Variants in RABGAP1L observed in about 807,000 individuals in gnomAD.
RABGAP1L encodes the protein rab GTPase-activating protein 1-like.
A neutral mutation model predicts 137.7 loss-of-function variants in RABGAP1L; 63 were observed. The ratio of observed to expected loss-of-function variants is 0.46; its 90% confidence interval spans 0.37 to 0.56. RABGAP1L has a LOEUF of 0.56. Among genes scored for constraint, RABGAP1L ranks in the 20% least tolerant of loss-of-function variants. RABGAP1L has a pLI of 0.00. For synonymous variants in RABGAP1L, 431 were observed against 433.7 expected, an observed-to-expected ratio of 0.99 and a Z score of 0.08; for missense variants, 1,095 against 1,244.0, an observed-to-expected ratio of 0.88 and a Z score of 1.80.
intron 13 of RABGAP1L, among the ~76,000 whole-genome samples, chr1:174,625,267 G>C (rs936198161): frequency 1.3e-5 from 2 of 152,156 alleles, no homozygotes; most frequent in African/African-American, 4.8e-5. Flanking sequence ...GCTCCGTAGA[G>C]TCAGAGACTT....
At chr1:174,480,718 A>G (rs1187399175) in intron 13 of RABGAP1L, among the ~76,000 whole-genome samples, 2 of 152,240 alleles carry the variant, frequency 1.3e-5, no homozygotes, top group Non-Finnish European at 2.9e-5. Context: ...CTATCACACA[A>G]AATGCTTTAT....
rs747671420 is a variant in RABGAP1L at position 174,664,730 on chromosome 1, C to CTTTTTTTT, written c.1825-18789_1825-18788insTTTTTTTT. 4.9e-3 allele frequency among the ~76,000 whole-genome samples: 481 copies of CTTTTTTTT among 98,812 alleles called. 67 individuals carry two copies. Among genetic ancestry groups the CTTTTTTTT allele is most frequent in the African/African-American group, 0.024 (370 of 15,622 alleles). The allele number at this position is 98,812 out of a possible 152,430, so 64.8% of individuals were successfully genotyped here. A position where few individuals can be genotyped will look rare whatever the true frequency, so the allele number is the denominator to read the frequency against. ...CTCTCTCTTTCTTTCTTTCTTTCTGCTTTCTTTTTTTTTTTTTTTTTTTTT... is the reference window on the plus strand; with the variant it reads ...CTCTCTCTTTCTTTCTTTCTTTCTGCTTTTTTTTTTTCTTTTTTTTTTTTTTTTTTTTT... On this transcript the variant is annotated intron_variant, in intron 14 of 25. Transcript: ENST00000681986.
chr1:174,485,151 T>G (rs1015927936), intron 13 of RABGAP1L, among the ~76,000 whole-genome samples: 1 of 152,206 alleles, frequency 6.6e-6, no homozygotes, highest in African/African-American at 2.4e-5. Flanking sequence ...CTTTTTCAGA[T>G]TGTTTACTGT....
At chr1:174,305,487 C>G (rs1359996746) in intron 11 of RABGAP1L, among the ~76,000 whole-genome samples, 1 of 152,100 alleles carries the variant, frequency 6.6e-6, no homozygotes, top group Non-Finnish European at 1.5e-5. Flanking sequence ...CGGGTTCAAA[C>G]AATTCTCCTG....
At position 174,865,512 on chromosome 1, in the gene RABGAP1L, T is replaced by G. The variant is rs143333403; in HGVS notation, c.2340+53552T>G. Among the ~76,000 whole-genome samples, 29 of 152,360 alleles carry G rather than the reference T, an allele frequency of 1.9e-4. No homozygotes were observed. The East Asian group carries it at 5.0e-3, about 26-fold the overall frequency. ...GGGCAAATTTATAGCATATTTTCTT[T>G]CACAGGCAAGAACTCCTAAGATATC... On this transcript the variant is annotated intron_variant, in intron 19 of 25. Coordinates refer to ENST00000681986, the MANE Select transcript of RABGAP1L (RefSeq NM_001366446.1).
intron 19 of RABGAP1L, among the ~76,000 whole-genome samples, chr1:174,851,583 C>T (rs1648354625): frequency 1.3e-5 from 2 of 151,954 alleles, no homozygotes; most frequent in African/African-American, 2.4e-5. Context: ...GTACAATCAC[C>T]ACTTACTGCA....
intron 13 of RABGAP1L, among the ~76,000 whole-genome samples, chr1:174,487,871 C>T (rs1487822825): frequency 6.6e-6 from 1 of 152,142 alleles, no homozygotes. Context: ...CAACTTCACA[C>T]TGTTTGTATA....
At chr1:174,314,227 T>G (rs1267764811) in intron 11 of RABGAP1L, among the ~76,000 whole-genome samples, 33 of 152,222 alleles carry the variant, frequency 2.2e-4, no homozygotes, top group Non-Finnish European at 2.9e-5. Context: ...TTCTTCATGG[T>G]TCAATCTTGG....
intron 24 of RABGAP1L, among the ~76,000 whole-genome samples, chr1:174,985,599 G>C (rs572428381): frequency 2.2e-4 from 33 of 152,184 alleles, no homozygotes; most frequent in African/African-American, 7.5e-4. Context: ...ATGATAAATA[G>C]CTTTTGGTTT....
intron 17 of RABGAP1L, among the ~76,000 whole-genome samples, chr1:174,703,545 G>A (rs1347672061): frequency 3.3e-5 from 5 of 152,160 alleles, no homozygotes; most frequent in East Asian, 1.9e-4. Flanking sequence ...GCTGCGATAA[G>A]CATATAAGTG....
intron 15 of RABGAP1L, among the ~76,000 whole-genome samples, chr1:174,686,934 C>T (rs922933926): frequency 1.3e-5 from 2 of 151,962 alleles, no homozygotes; most frequent in Non-Finnish European, 2.9e-5. Flanking sequence ...GCTGGGATTA[C>T]AGGCGTGAGC....
At chr1:174,729,813 TA>T in intron 17 of RABGAP1L, among the ~76,000 whole-genome samples, 1 of 151,912 alleles carries the variant, frequency 6.6e-6, no homozygotes, top group Non-Finnish European at 1.5e-5. Flanking sequence ...AAAGTAAAAA[TA>T]AATAACAGAT....
In RABGAP1L at chr1:174,500,073, GCTT is replaced by G. The variant is rs1273175579; in HGVS notation, c.1710+105935_1710+105937del. On this transcript the variant is annotated intron_variant, in intron 13 of 25. Coordinates refer to ENST00000681986, the MANE Select transcript of RABGAP1L (RefSeq NM_001366446.1). ...ACCCAGTATAAATTACTTGTGGCAGGCTTCTTCTTTTTTTTTTTTTTTTGAGAT... is the reference window on the plus strand; with the variant it reads ...ACCCAGTATAAATTACTTGTGGCAGGCTTCTTTTTTTTTTTTTTTTGAGAT... Among the ~76,000 whole-genome samples the G allele has an allele frequency of 4.7e-4, 70 of 150,528 alleles. 1 individual carries two copies. The highest frequency in any genetic ancestry group is 2.5e-3 in the East Asian group (13 of 5,162).
At chr1:174,558,859 A>G (rs952815546) in intron 13 of RABGAP1L, among the ~76,000 whole-genome samples, 1 of 152,194 alleles carries the variant, frequency 6.6e-6, no homozygotes, top group African/African-American at 2.4e-5. Flanking sequence ...CTCAGTCATT[A>G]TGAATCTTGC....
intron 13 of RABGAP1L, among the ~76,000 whole-genome samples, chr1:174,440,961 C>G (rs1208730711): frequency 6.6e-6 from 1 of 152,040 alleles, no homozygotes; most frequent in East Asian, 1.9e-4. Flanking sequence ...ATGGTCCTTT[C>G]TGGCTTTGCT....
intron 1 of RABGAP1L, among the ~76,000 whole-genome samples, chr1:174,218,408 G>T (rs1344575521): frequency 1.3e-5 from 2 of 152,140 alleles, no homozygotes; most frequent in Non-Finnish European, 2.9e-5. Context: ...AAACTTAGTT[G>T]TGTGAGTACA....
In RABGAP1L at chr1:174,271,889, T is replaced by A. The variant is rs569028201; in HGVS notation, c.987-525T>A. Among the ~76,000 whole-genome samples the A allele has an allele frequency of 2.1e-4, 32 of 151,954 alleles. No individual in the cohort carries two copies. The East Asian group carries it at 2.1e-3, about 10-fold the overall frequency. On this transcript the variant is annotated intron_variant, in intron 7 of 25. Transcript: ENST00000681986. ...TAAAGTTTGCATAACTTTTTTTTTT[T>A]AAAACTGAGGATATAGTATTAACAT...
chr1:174,953,460 T>C (rs1175765021), intron 19 of RABGAP1L, among the ~76,000 whole-genome samples: 2 of 152,154 alleles, frequency 1.3e-5, no homozygotes, highest in African/African-American at 4.8e-5. Flanking sequence ...CCCTAACCAC[T>C]CCCCTTTGCC....
chr1:174,893,016 G>A, intron 19 of RABGAP1L: 1 of 243,018 alleles, frequency 4.1e-6, no homozygotes. Flanking sequence ...AAAGTGCTGG[G>A]GTTACAGGCA....
Sources: gnomAD v4.1 joint callset for allele counts (sites outside exome capture counted in the v4.1 genomes callset) on GRCh38, gnomAD v4.1.1 for gene constraint, MANE v1.5 for transcripts, NCBI Gene and HGNC (gene_info 2026-07-23, HGNC 2026-07-21) for gene names.